TBC1D22A: variants seen among roughly 807,000 people sequenced by gnomAD.
TBC1D22A encodes TBC1 domain family member 22A.
A neutral mutation model predicts 60.2 loss-of-function variants in TBC1D22A; 38 were observed. The ratio of observed to expected loss-of-function variants is 0.63; its 90% confidence interval spans 0.49 to 0.83. The LOEUF (loss-of-function observed/expected upper bound fraction) is 0.83. Ranked by LOEUF, TBC1D22A falls within the 40% of genes least tolerant of loss-of-function variation. The pLI, the probability that TBC1D22A is intolerant of heterozygous loss-of-function variation, is 0.00. For missense variants in TBC1D22A, 628 were observed against 701.0 expected, an observed-to-expected ratio of 0.90 and a Z score of 1.18; for synonymous variants, 302 against 281.7, an observed-to-expected ratio of 1.07 and a Z score of -0.72.
chr22:46,781,298 C>T lies in TBC1D22A; in HGVS notation c.63-11222C>T, dbSNP rs141950121. ...TCAGGTGATCTTCCCACCTCAGCCT[C>T]CTGAGTAGCTGGGACTACAGGAGCA... On this transcript the variant is annotated intron_variant, in intron 1 of 12. Coordinates refer to ENST00000337137, the MANE Select transcript of TBC1D22A (RefSeq NM_014346.5). 2.2e-3 allele frequency among the ~76,000 whole-genome samples: 342 copies of T among 152,252 alleles called. 1 individual carries two copies. The highest frequency in any genetic ancestry group is 8.0e-3 in the African/African-American group (332 of 41,546).
chr22:46,771,623 C>A (rs1371057858), intron 1 of TBC1D22A, among the ~76,000 whole-genome samples: 3 of 149,494 alleles, frequency 2.0e-5, no homozygotes, highest in South Asian at 2.1e-4. Flanking sequence ...GAGATGGAGT[C>A]TTGCTCTGTT....
chr22:46,905,189 T>G (rs1274939330), intron 7 of TBC1D22A, among the ~76,000 whole-genome samples: 2 of 152,158 alleles, frequency 1.3e-5, no homozygotes, highest in African/African-American at 4.8e-5. Context: ...CTAAATTGCT[T>G]TGGGATTAGA....
At chr22:46,973,982 G>A (rs1176270877) in intron 8 of TBC1D22A, among the ~76,000 whole-genome samples, 2 of 152,350 alleles carry the variant, frequency 1.3e-5, no homozygotes, top group African/African-American at 2.4e-5. Context: ...TTAGGATTAA[G>A]TAATATATTC....
At chr22:46,903,331 T>C (rs1212841566) in intron 7 of TBC1D22A, among the ~76,000 whole-genome samples, 1 of 152,088 alleles carries the variant, frequency 6.6e-6, no homozygotes, top group Admixed American at 6.5e-5. Context: ...TGCGGGGGCG[T>C]CTGTACTCGG....
intron 10 of TBC1D22A, among the ~76,000 whole-genome samples, chr22:47,011,241 A>G (rs1962533849): frequency 6.6e-6 from 1 of 152,088 alleles, no homozygotes; most frequent in South Asian, 2.1e-4. Context: ...CTGTGGGCTC[A>G]GGGGACTTGC....
rs1391057689 is a variant in TBC1D22A, at chr22:47,037,191, C to T, written c.1322C>T (p.Thr441Ile). Reference sequence around the variant, plus strand: ...CGTTGTACCATCCGCCTGTGGGACACCTACCAGGTGAGCTCTCCTTCGCAC... The same window carrying T: ...CGTTGTACCATCCGCCTGTGGGACATCTACCAGGTGAGCTCTCCTTCGCAC... ...PLRCTIRLWD[T>I]YQSEPDGFSH... Residue 441 changes from threonine to isoleucine, a missense_variant, in exon 11 of 13, where the codon ACC becomes ATC. By Grantham distance (89) the Thr-to-Ile change is moderately conservative. Coordinates refer to ENST00000337137, the MANE Select transcript of TBC1D22A (RefSeq NM_014346.5). 6 of 1,613,492 alleles carry T rather than the reference C, an allele frequency of 3.7e-6. No homozygotes were observed. Among genetic ancestry groups the T allele is most frequent in the Non-Finnish European group, 5.1e-6 (6 of 1,179,862 alleles).
chr22:46,961,052 C>T (rs1052877444), intron 8 of TBC1D22A, among the ~76,000 whole-genome samples: 3 of 151,098 alleles, frequency 2.0e-5, no homozygotes, highest in African/African-American at 4.9e-5. Context: ...GCCCAGGACT[C>T]CTTCATGGAA....
At chr22:46,775,050 C>T (rs927205026) in intron 1 of TBC1D22A, among the ~76,000 whole-genome samples, 6 of 152,316 alleles carry the variant, frequency 3.9e-5, no homozygotes, top group African/African-American at 1.4e-4. Flanking sequence ...CTAGATGAGG[C>T]GAGTGATGTT....
chr22:46,915,649 C>G, intron 8 of TBC1D22A: 1 of 456,642 alleles, frequency 2.2e-6, no homozygotes, highest in South Asian at 1.5e-5. Flanking sequence ...TTTAAGAAAT[C>G]CCCGGGGTGT....
At chr22:46,773,940 C>G (rs774052985) in intron 1 of TBC1D22A, 12 of 985,398 alleles carry the variant, frequency 1.2e-5, no homozygotes, top group Non-Finnish European at 1.4e-5. Flanking sequence ...AGTCTGTGCC[C>G]TTACCCATCA....
chr22:47,017,270 T>C (rs930257885), intron 10 of TBC1D22A, among the ~76,000 whole-genome samples: 1 of 152,086 alleles, frequency 6.6e-6, no homozygotes, highest in Non-Finnish European at 1.5e-5. Flanking sequence ...CATGGGCGCA[T>C]GGGAGGGCTA....
At chr22:46,808,680 C>T (rs140695232) in intron 4 of TBC1D22A, among the ~76,000 whole-genome samples, 365 of 152,204 alleles carry the variant, frequency 2.4e-3, no homozygotes, top group African/African-American at 8.3e-3. Context: ...CTGCAAGCTC[C>T]GCCTCCTGAG....
At chr22:47,141,383 C>G (rs1442262789) in intron 12 of TBC1D22A, among the ~76,000 whole-genome samples, 1 of 152,210 alleles carries the variant, frequency 6.6e-6, no homozygotes, top group Non-Finnish European at 1.5e-5. Context: ...CAGACAGGTT[C>G]CCATCGGTAG....
chr22:47,173,750 C>G lies in TBC1D22A; in HGVS notation c.*124C>G. ...AGGCCTTGTGAGGTGGCCCCACCCTCCAGGGGAGCTGGTGAAGATGGGCCA... is the reference window on the plus strand; with the variant it reads ...AGGCCTTGTGAGGTGGCCCCACCCTGCAGGGGAGCTGGTGAAGATGGGCCA... On this transcript the variant is annotated 3_prime_UTR_variant, in exon 13 of 13. Transcript: ENST00000337137. The G allele has an allele frequency of 6.9e-7, 1 of 1,445,962 alleles. No homozygotes were observed. Among genetic ancestry groups the G allele is most frequent in the Non-Finnish European group, 9.4e-7 (1 of 1,062,454 alleles). The allele number at this position is 1,445,962 out of a possible 1,614,324, so 89.6% of individuals were successfully genotyped here. A position where few individuals can be genotyped will look rare whatever the true frequency, so the allele number is the denominator to read the frequency against.
chr22:47,079,751 A>G (rs1239458548), intron 11 of TBC1D22A, among the ~76,000 whole-genome samples: 2 of 152,242 alleles, frequency 1.3e-5, no homozygotes, highest in Non-Finnish European at 2.9e-5. Flanking sequence ...CATCAAAAGC[A>G]ACAGCAATAT....
intron 4 of TBC1D22A, among the ~76,000 whole-genome samples, chr22:46,815,237 C>T (rs113094782): frequency 4.7e-4 from 72 of 152,312 alleles, no homozygotes; most frequent in African/African-American, 1.6e-3. Context: ...AGCCCTGGGG[C>T]GAGGACTCGG....
At chr22:47,087,210 A>G (rs998618639) in intron 11 of TBC1D22A, among the ~76,000 whole-genome samples, 11 of 152,274 alleles carry the variant, frequency 7.2e-5, no homozygotes, top group Non-Finnish European at 1.6e-4. Flanking sequence ...ACCAAACAAA[A>G]TTAAAGAATA....
chr22:47,046,915 A>G (rs1036006698), intron 11 of TBC1D22A, among the ~76,000 whole-genome samples: 34 of 152,202 alleles, frequency 2.2e-4, no homozygotes, highest in African/African-American at 8.2e-4. Flanking sequence ...AGTGTAAGAA[A>G]GGCTGGCGGG....
At chr22:46,991,764 C>T (rs1016341573) in intron 9 of TBC1D22A, among the ~76,000 whole-genome samples, 3 of 152,216 alleles carry the variant, frequency 2.0e-5, no homozygotes, top group East Asian at 3.9e-4. Flanking sequence ...CTGACTCCGA[C>T]GTGGCCTTCC....
Sources: allele counts gnomAD v4.1 joint callset (sites outside exome capture counted in the v4.1 genomes callset), GRCh38; gene constraint gnomAD v4.1.1; transcripts MANE v1.5; gene names NCBI Gene and HGNC (gene_info 2026-07-23, HGNC 2026-07-21).